The following MYLK variants were observed in gnomAD, a reference collection of about 807,000 sequenced individuals.
The protein encoded by MYLK is myosin light chain kinase.
In MYLK, 106 loss-of-function variants were observed where a neutral mutation model predicts 203.4. That is an observed-to-expected ratio of 0.52 (90% CI 0.45 to 0.61). MYLK has a LOEUF of 0.61. Among genes scored for constraint, MYLK ranks in the 20% least tolerant of loss-of-function variants. The pLI is 0.00. For synonymous variants in MYLK, 867 were observed against 959.5 expected, an observed-to-expected ratio of 0.90 and a Z score of 1.78; for missense variants, 2,072 against 2,442.3, an observed-to-expected ratio of 0.85 and a Z score of 3.20.
At chr3:123,675,412 A>G (rs1460574140) in intron 20 of MYLK, among the ~76,000 whole-genome samples, 1 of 152,230 alleles carries the variant, frequency 6.6e-6, no homozygotes, top group Admixed American at 6.5e-5. Flanking sequence ...AGAAGTTTCC[A>G]GATGCTCAGT....
At chr3:123,834,554 AC>A (rs761705223) in intron 2 of MYLK, among the ~76,000 whole-genome samples, 16 of 152,008 alleles carry the variant, frequency 1.1e-4, no homozygotes, top group Non-Finnish European at 1.8e-4. Context: ...GGCAGGTTGC[AC>A]GGGGTTAAGG....
At chr3:123,688,543 T>TGGAC (rs1380107718) in intron 19 of MYLK, among the ~76,000 whole-genome samples, 1 of 152,208 alleles carries the variant, frequency 6.6e-6, no homozygotes, top group Non-Finnish European at 1.5e-5. Flanking sequence ...GGTCATCACA[T>TGGAC]GGACATGAGT....
At chr3:123,872,242 T>C (rs1283443615) in intron 2 of MYLK, among the ~76,000 whole-genome samples, 1 of 152,204 alleles carries the variant, frequency 6.6e-6, no homozygotes, top group East Asian at 1.9e-4. Context: ...AAGTACCTTA[T>C]GGCCCACAAA....
At chr3:123,617,399 G>T (rs765952734) in intron 33 of MYLK, 13 of 152,182 alleles carry the variant, frequency 8.5e-5, no homozygotes, top group Non-Finnish European at 1.2e-4. Flanking sequence ...TCCCCAGTCC[G>T]AGAATTTTCA....
At chr3:123,699,934 C>T in intron 18 of MYLK, 86 bp downstream of exon 18, 1 of 1,586,366 alleles carries the variant, frequency 6.3e-7, no homozygotes, top group Non-Finnish European at 8.6e-7. Context: ...GGGCTGCTAA[C>T]AGGGGTCAGC....
chr3:123,782,729 T>C (rs1576957163), intron 4 of MYLK, among the ~76,000 whole-genome samples: 1 of 152,186 alleles, frequency 6.6e-6, no homozygotes, highest in African/African-American at 2.4e-5. Context: ...GTCGAGATAA[T>C]TGGAAACACG....
Position 123,700,447 on chromosome 3 carries a change from T to C in MYLK, c.3021A>G (p.Ala1007=). ...SSSAETLNAK[A]VESSKPLSNA... is the part of the protein sequence containing the mutation. ...TGCTCAGGGGCTTGGAACTCTCCAC[T>C]GCCTTGGCATTCAGGGTCTCGGCAC... Residue 1007 remains alanine (A), a synonymous_variant, in exon 18 of 34, where the codon GCA becomes GCG. Transcript: ENST00000360304. 5 of 1,609,066 alleles carry C rather than the reference T, an allele frequency of 3.1e-6. No individual in the cohort carries two copies. The highest frequency in any genetic ancestry group is 4.2e-6 in the Non-Finnish European group (5 of 1,176,854).
At chr3:123,723,569 C>G (rs1444383015) in intron 12 of MYLK, among the ~76,000 whole-genome samples, 3 of 152,212 alleles carry the variant, frequency 2.0e-5, no homozygotes, top group Non-Finnish European at 2.9e-5. Context: ...TGAGAGCTCT[C>G]CTTTAACTGG....
intron 27 of MYLK, among the ~76,000 whole-genome samples, chr3:123,644,902 T>C (rs1467951437): frequency 6.6e-6 from 1 of 152,240 alleles, no homozygotes; most frequent in Non-Finnish European, 1.5e-5. Context: ...AAGGGGCATC[T>C]TGAGATTGAC....
intron 2 of MYLK, among the ~76,000 whole-genome samples, chr3:123,849,464 G>T: frequency 6.6e-6 from 1 of 152,104 alleles, no homozygotes; most frequent in East Asian, 1.9e-4. Flanking sequence ...TAAATTTTGG[G>T]GTGGTTTATT....
intron 2 of MYLK, among the ~76,000 whole-genome samples, chr3:123,865,187 T>G (rs1242810155): frequency 6.6e-6 from 1 of 152,222 alleles, no homozygotes; most frequent in Non-Finnish European, 1.5e-5. Context: ...CATTAATGAA[T>G]AATATCCATA....
At chr3:123,873,316 C>CA (rs949777620) in intron 2 of MYLK, among the ~76,000 whole-genome samples, 13 of 151,888 alleles carry the variant, frequency 8.6e-5, no homozygotes, top group Non-Finnish European at 7.4e-5. Context: ...AAAGTATCTA[C>CA]AAAAAACCTA....
intron 13 of MYLK, among the ~76,000 whole-genome samples, chr3:123,719,104 G>A (rs3966019): frequency 4.6e-5 from 7 of 152,332 alleles, no homozygotes; most frequent in Admixed American, 3.3e-4. Flanking sequence ...CAGAAATCGC[G>A]TCTGAGGGCT....
At chr3:123,631,484 A>G (rs2058422762) in intron 29 of MYLK, among the ~76,000 whole-genome samples, 1 of 152,076 alleles carries the variant, frequency 6.6e-6, no homozygotes. Flanking sequence ...CCTTCTCCCA[A>G]ATGCTTATGA....
chr3:123,687,942 G>A (rs2060522061), intron 19 of MYLK, among the ~76,000 whole-genome samples: 1 of 152,160 alleles, frequency 6.6e-6, no homozygotes, highest in Non-Finnish European at 1.5e-5. Flanking sequence ...TGGTATTACA[G>A]GTGTGAGCCA....
chr3:123,828,503 TA>T (rs1220359899), intron 3 of MYLK, among the ~76,000 whole-genome samples: 1 of 152,140 alleles, frequency 6.6e-6, no homozygotes, highest in African/African-American at 2.4e-5. Context: ...ATAAAATTAC[TA>T]GAAGAAAACA....
chr3:123,840,340 T>C (rs1199651793), intron 2 of MYLK, among the ~76,000 whole-genome samples: 1 of 148,502 alleles, frequency 6.7e-6, no homozygotes, highest in African/African-American at 2.5e-5. Context: ...AGGAATAAAA[T>C]AGAGAACATC....
At chr3:123,708,060 A>C (rs1336208585) in intron 15 of MYLK, 57 bp from the exon 16 acceptor site, 4 of 1,608,436 alleles carry the variant, frequency 2.5e-6, no homozygotes, top group Non-Finnish European at 3.4e-6. Flanking sequence ...GGCAGTGTCC[A>C]CTCAATTCTC....
At chr3:123,690,289 C>T (rs1028500668) in intron 19 of MYLK, among the ~76,000 whole-genome samples, 11 of 152,324 alleles carry the variant, frequency 7.2e-5, no homozygotes, top group Admixed American at 6.5e-4. Context: ...TTGCTGCTTA[C>T]GGCAAGTAGT....
Sources: allele counts gnomAD v4.1 joint callset (sites outside exome capture counted in the v4.1 genomes callset), GRCh38; gene constraint gnomAD v4.1.1; transcripts MANE v1.5; gene names NCBI Gene and HGNC (gene_info 2026-07-23, HGNC 2026-07-21).